Variants in ABCA3 observed in about 807,000 individuals in gnomAD.
The protein encoded by ABCA3 is ATP binding cassette subfamily A member 3.
Under a neutral mutation model 172.8 loss-of-function variants are expected in ABCA3, and 88 were observed. That is an observed-to-expected ratio of 0.51 (90% CI 0.43 to 0.61). The LOEUF is 0.61. Ranked by LOEUF, ABCA3 falls within the 20% of genes least tolerant of loss-of-function variation. ABCA3 has a pLI of 0.00. For synonymous variants in ABCA3, 1,066 were observed against 983.8 expected (o/e 1.08, Z -1.56); for missense variants, 2,164 against 2,301.0 (o/e 0.94, Z 1.22).
rs1172053040 is a variant in ABCA3, at chr16:2,278,415, C to T, written c.4591G>A (p.Gly1531Arg). Residue 1531 changes from glycine (G) to arginine (R), a missense_variant, in exon 30 of 33, where the codon GGA becomes AGA. Physicochemically the swap from Gly to Arg is moderately radical, Grantham distance 125. Transcript: ENST00000301732. This position sits in a 1 kb window ranked among gnomAD's most constrained non-coding sequence, Gnocchi z 4.4. Reference sequence around the variant, plus strand: ...TCCAGGAAGATGACAGCAGGCTCTCCGATCAGGGCGATGCCGGTGCTCAGC... The same window carrying T: ...TCCAGGAAGATGACAGCAGGCTCTCTGATCAGGGCGATGCCGGTGCTCAGC... ...RKLSTGIALI[G>R]EPAVIFLDEP... The T allele has an allele frequency of 3.1e-6, 5 of 1,612,754 alleles. No individual in the cohort carries two copies. Among genetic ancestry groups the T allele is most frequent in the Non-Finnish European group, 4.2e-6 (5 of 1,180,032 alleles).
rs1187821439 is a variant in ABCA3, at chr16:2,319,519, G to A, written c.873+62C>T. 2.5e-6 allele frequency: 4 copies of A among 1,581,430 alleles called. No homozygotes were observed. In the South Asian group the frequency reaches 3.4e-5, roughly 13 times the overall value. On this transcript the variant is annotated intron_variant, in intron 8 of 32. Coordinates refer to ENST00000301732, the MANE Select transcript of ABCA3 (RefSeq NM_001089.3). ...AAAATACTAAAACACCAAGCCTTTG[G>A]ACATGGCCTCCCCAGGACAGCGCGG...
At chr16:2,300,994 G>A (rs908832534) in intron 12 of ABCA3, among the ~76,000 whole-genome samples, 2 of 152,026 alleles carry the variant, frequency 1.3e-5, no homozygotes, top group Non-Finnish European at 2.9e-5. Flanking sequence ...ACTTTGGGAG[G>A]CCGAGGCGGG....
chr16:2,289,870 AC>A (rs2093669141), intron 19 of ABCA3, among the ~76,000 whole-genome samples: 1 of 151,912 alleles, frequency 6.6e-6, no homozygotes, highest in African/African-American at 2.4e-5. Context: ...CAAGTGATCC[AC>A]CCACCTTGGC....
intron 1 of ABCA3, chr16:2,332,880 C>T (rs2093745750): frequency 3.7e-6 from 2 of 536,764 alleles, no homozygotes; most frequent in Non-Finnish European, 6.6e-6. Context: ...GAGCAGGGCT[C>T]ATCGCAGCCT....
chr16:2,338,641 T>G (rs35510516), intron 1 of ABCA3, among the ~76,000 whole-genome samples: 12,141 of 152,138 alleles, frequency 0.08, 1,611 homozygotes, highest in African/African-American at 0.27. Flanking sequence ...TCTGGATGTG[T>G]CATGTGGTAC....
rs949780599 is a variant in ABCA3, at chr16:2,285,946, G to A, written c.3279-300C>T. ...GACCTTGCCCAGGTGTGGAGGTCCCGAGCCCCACCTCCTCCTGGAGTGTGG... is the reference window on the plus strand; with the variant it reads ...GACCTTGCCCAGGTGTGGAGGTCCCAAGCCCCACCTCCTCCTGGAGTGTGG... On this transcript the variant is annotated intron_variant, in intron 22 of 32. Transcript: ENST00000301732. The surrounding 1 kb of genome is among the most constrained non-coding windows in gnomAD (Gnocchi z 4.7). Among the ~76,000 whole-genome samples the A allele has an allele frequency of 2.0e-5, 3 of 152,302 alleles. No homozygotes were observed. The highest frequency in any genetic ancestry group is 6.5e-5 in the Admixed American group (1 of 15,294).
At chr16:2,322,582 G>A (rs1347792048) in intron 7 of ABCA3, among the ~76,000 whole-genome samples, 2 of 134,830 alleles carry the variant, frequency 1.5e-5, no homozygotes, top group South Asian at 2.3e-4. Flanking sequence ...TTCCTGTGCT[G>A]GGAAAACTGG....
chr16:2,305,197 A>C (rs2093695714), intron 11 of ABCA3, among the ~76,000 whole-genome samples: 1 of 152,028 alleles, frequency 6.6e-6, no homozygotes, highest in South Asian at 2.1e-4. Flanking sequence ...GCAGTGGTGC[A>C]ATCTTGGCCC....
In ABCA3 at chr16:2,284,363, C is replaced by T. The variant is rs551756639; in HGVS notation, c.3778G>A (p.Ala1260Thr). ...TAGTTCTCGTAGAAACTGCTGACTGCCATCCCCAGACAGTGGTTGGGCAGC... is the reference window on the plus strand; with the variant it reads ...TAGTTCTCGTAGAAACTGCTGACTGTCATCCCCAGACAGTGGTTGGGCAGC... ...LVLPNHCLGMAVSSFYENYET... is the reference protein window; with the variant it reads ...LVLPNHCLGMTVSSFYENYET... The change falls in exon 25 of 33, where the codon GCA becomes ACA. Residue 1260 changes from alanine to threonine, a missense_variant. Around this residue, in one of 3 missense-constraint regions of ABCA3, gnomAD observed 795 missense variants for 881.9 expected, o/e 0.90. Coordinates refer to ENST00000301732, the MANE Select transcript of ABCA3 (RefSeq NM_001089.3). The surrounding 1 kb of genome is among the most constrained non-coding windows in gnomAD (Gnocchi z 5.9). 2 of 1,613,984 alleles carry T rather than the reference C, an allele frequency of 1.2e-6. No individual in the cohort carries two copies. The highest frequency in any genetic ancestry group is 2.2e-5 in the South Asian group (2 of 91,086).
At chr16:2,290,323 G>A (rs545683090) in intron 19 of ABCA3, among the ~76,000 whole-genome samples, 6 of 152,234 alleles carry the variant, frequency 3.9e-5, no homozygotes, top group Non-Finnish European at 8.8e-5. Flanking sequence ...GAGCTCCGGT[G>A]GGCGCTTACC....
chr16:2,325,886 G>A (rs952666604), intron 5 of ABCA3, 124 bp downstream of exon 5: 6 of 1,369,296 alleles, frequency 4.4e-6, no homozygotes, highest in Non-Finnish European at 6.1e-6. Context: ...AAGAAGCAGA[G>A]GCCAAGTCTG....
At chr16:2,331,335 G>A (rs2093742857) in intron 1 of ABCA3, among the ~76,000 whole-genome samples, 1 of 151,904 alleles carries the variant, frequency 6.6e-6, no homozygotes, top group South Asian at 2.1e-4. Context: ...CTCCCAAGTA[G>A]CTACAGGCAC....
In ABCA3 at chr16:2,317,374, G is replaced by T. The variant is rs772095645; in HGVS notation, c.1020C>A (p.Arg340=). 1.2e-6 allele frequency: 2 copies of T among 1,613,914 alleles called. No homozygotes were observed. Among genetic ancestry groups the T allele is most frequent in the Non-Finnish European group, 1.7e-6 (2 of 1,180,040 alleles). ...AGGCGAGCACCAGGGAGGGGTCGCT[G>T]CGGGACAGCACGGCTACATTTGGCT... The part of the protein sequence containing the change: ...KVKPNVAVLS[R]SDPSLVLAFL... Residue 340 remains arginine (R), a synonymous_variant, in exon 10 of 33, where the codon CGC becomes CGA. Coordinates refer to ENST00000301732, the MANE Select transcript of ABCA3 (RefSeq NM_001089.3).
At chr16:2,291,999 G>A (rs900831030) in intron 19 of ABCA3, 141 bp downstream of exon 19, 20 of 659,522 alleles carry the variant, frequency 3.0e-5, no homozygotes, top group Non-Finnish European at 5.3e-5. Flanking sequence ...CTTGAACCCA[G>A]GAGGCGGAGG....
intron 1 of ABCA3, among the ~76,000 whole-genome samples, chr16:2,331,545 AC>A (rs2093743248): frequency 1.3e-5 from 2 of 152,256 alleles, no homozygotes; most frequent in African/African-American, 2.4e-5. Context: ...GTTGCCTGAT[AC>A]GTGTGAGGCT....
chr16:2,299,363 G>T, intron 14 of ABCA3, 40 bp downstream of exon 14: 1 of 1,611,180 alleles, frequency 6.2e-7, no homozygotes. Flanking sequence ...GTTAAAGGGG[G>T]GCCTGCTGGT....
chr16:2,324,791 C>A (rs533071207), intron 5 of ABCA3, among the ~76,000 whole-genome samples: 1 of 152,126 alleles, frequency 6.6e-6, no homozygotes, highest in African/African-American at 2.4e-5. Context: ...CTCCGGGTAG[C>A]GCCTGCAGCA....
chr16:2,299,561 C>T, intron 13 of ABCA3, 29 bp from the exon 14 acceptor site: 1 of 1,610,850 alleles, frequency 6.2e-7, no homozygotes, highest in Middle Eastern at 1.6e-4. Context: ...CTGCCCTGGG[C>T]TACCCACAGC....
At position 2,304,094 on chromosome 16, in the gene ABCA3, A is replaced by G. The variant is rs781263961; in HGVS notation, c.1342T>C (p.Cys448Arg). The G allele has an allele frequency of 5.0e-6, 8 of 1,614,216 alleles. No individual in the cohort carries two copies. In the South Asian group the frequency reaches 8.8e-5, roughly 18 times the overall value. ...AGCATCCCCAGCACCTGCCCGAAGC[A>G]GAAGTCGTCGTCCACGTTGACGGGA... ...LSPVNVDDDF[C>R]FGQVLGMLLL... is the part of the protein sequence containing the mutation. Residue 448 changes from cysteine (C) to arginine (R), a missense_variant, in exon 12 of 33, where the codon TGC becomes CGC. Cys to Arg is a radical substitution (Grantham distance 180, BLOSUM62 -3). Around this residue, in one of 3 missense-constraint regions of ABCA3, gnomAD observed 1,343 missense variants for 1,369.6 expected, o/e 0.98. Transcript: ENST00000301732.
Sources: allele counts gnomAD v4.1 joint callset (sites outside exome capture counted in the v4.1 genomes callset), GRCh38; gene constraint gnomAD v4.1.1; regional missense constraint gnomAD v4.1.1; non-coding constraint Gnocchi (gnomAD v3.1); transcripts MANE v1.5; gene names NCBI Gene and HGNC (gene_info 2026-07-23, HGNC 2026-07-21).